Variants in TECPR2 observed in about 807,000 individuals in gnomAD.
TECPR2 encodes the protein tectonin beta-propeller repeat containing 2.
TECPR2 carries 65 observed loss-of-function variants against 138.1 expected under a neutral mutation model. The observed-to-expected ratio is 0.47, with a 90% CI of 0.39 to 0.58. The LOEUF (loss-of-function observed/expected upper bound fraction) is 0.58, where lower values mean the gene tolerates loss of function less well. Among genes scored for constraint, TECPR2 ranks in the 20% least tolerant of loss-of-function variants. The pLI is 0.00. For synonymous variants in TECPR2, 746 were observed against 749.8 expected (o/e 0.99, Z 0.08); for missense variants, 1,553 against 1,824.5 (o/e 0.85, Z 2.71).
intron 3 of TECPR2, 125 bp downstream of exon 3, chr14:102,407,591 C>A: frequency 7.7e-7 from 1 of 1,296,682 alleles, no homozygotes; most frequent in Middle Eastern, 2.5e-4. Flanking sequence ...ACTTTCTCTG[C>A]CCAGGCTCAT....
In TECPR2 at chr14:102,431,820, G is replaced by A; in HGVS notation, c.1109G>A (p.Gly370Glu). ...GTGAGAGATGGTCTGGAGATGTCTGGATGCTCAGAGCGTGTCCACGTGCAG... is the reference window on the plus strand; with the variant it reads ...GTGAGAGATGGTCTGGAGATGTCTGAATGCTCAGAGCGTGTCCACGTGCAG... ...STVRDGLEMSGCSERVHVQQA... is the reference protein window; with the variant it reads ...STVRDGLEMSECSERVHVQQA... The change falls in exon 8 of 20, where the codon GGA (glycine) becomes GAA (glutamate). Residue 370 changes from glycine (G) to glutamate (E), a missense_variant. Coordinates refer to ENST00000359520, the MANE Select transcript of TECPR2 (RefSeq NM_014844.5). 1 of 1,580,788 alleles carries A rather than the reference G, an allele frequency of 6.3e-7. No homozygotes were observed. The highest frequency in any genetic ancestry group is 8.6e-7 in the Non-Finnish European group (1 of 1,157,414).
chr14:102,438,773 G>C (rs11624563), intron 10 of TECPR2, among the ~76,000 whole-genome samples: 33,139 of 152,120 alleles, frequency 0.22, 4,287 homozygotes, highest in Middle Eastern at 0.31. Flanking sequence ...TAGTGAACTG[G>C]AGCTGGTGTT....
At chr14:102,483,433 G>GGTTTT (rs939129086) in intron 17 of TECPR2, among the ~76,000 whole-genome samples, 13 of 135,448 alleles carry the variant, frequency 9.6e-5, no homozygotes, top group South Asian at 7.6e-4. Flanking sequence ...GTTGTTGTGG[G>GGTTTT]GTTTTGTTTT....
chr14:102,452,367 G>A (rs376957826), intron 15 of TECPR2, 27 bp from the exon 16 acceptor site: 13 of 1,592,400 alleles, frequency 8.2e-6, no homozygotes, highest in African/African-American at 5.4e-5. Context: ...ACAACACCTC[G>A]ATGACAAACA....
intron 16 of TECPR2, among the ~76,000 whole-genome samples, chr14:102,462,440 G>A (rs1890430906): frequency 6.6e-6 from 1 of 152,196 alleles, no homozygotes; most frequent in East Asian, 1.9e-4. Flanking sequence ...GTCATCTTTA[G>A]AAAATGCAAA....
At chr14:102,417,421 G>T (rs549853573) in intron 5 of TECPR2, among the ~76,000 whole-genome samples, 4 of 152,336 alleles carry the variant, frequency 2.6e-5, no homozygotes, top group African/African-American at 9.6e-5. Flanking sequence ...CACAATGAGA[G>T]AGACTGTCGG....
chr14:102,446,754 A>G (rs577882665), intron 13 of TECPR2, among the ~76,000 whole-genome samples: 4 of 152,212 alleles, frequency 2.6e-5, no homozygotes, highest in Non-Finnish European at 5.9e-5. Flanking sequence ...TTAGAAACAT[A>G]AAGGACTTTT....
At position 102,420,084 on chromosome 14, in the gene TECPR2, G is replaced by T. The variant is rs1050053614; in HGVS notation, c.639-4895G>T. On this transcript the variant is annotated intron_variant, in intron 5 of 19. Coordinates refer to ENST00000359520, the MANE Select transcript of TECPR2 (RefSeq NM_014844.5). The surrounding 1 kb of genome is among the most constrained non-coding windows in gnomAD (Gnocchi z 4.1). Reference sequence around the variant, plus strand: ...ATTTTGGGTGCTGTCAGCTTTCAGCGTATCAGCTCTGTGGCACCATACATT... The same window carrying T: ...ATTTTGGGTGCTGTCAGCTTTCAGCTTATCAGCTCTGTGGCACCATACATT... 1.3e-5 allele frequency among the ~76,000 whole-genome samples: 2 copies of T among 152,142 alleles called. No individual in the cohort carries two copies. Among genetic ancestry groups the T allele is most frequent in the Admixed American group, 6.5e-5 (1 of 15,274 alleles).
intron 2 of TECPR2, among the ~76,000 whole-genome samples, chr14:102,387,846 A>G (rs1216150316): frequency 6.6e-6 from 1 of 152,138 alleles, no homozygotes; most frequent in African/African-American, 2.4e-5. Flanking sequence ...AGTTTTAAAT[A>G]GCATTCCAGG....
In TECPR2 at chr14:102,415,640, G is replaced by T. The variant is rs1319362660; in HGVS notation, c.638+847G>T. ...AAGGAGGAGGTAGACTGGGGCCAAC[G>T]TGGGGGTGGGAAGCAGAGGGCGGCA... is the stretch of plus-strand genomic sequence containing the variant. On this transcript the variant is annotated intron_variant, in intron 5 of 19. Transcript: ENST00000359520. This position sits in a 1 kb window ranked among gnomAD's most constrained non-coding sequence, Gnocchi z 4.3. 6.6e-6 allele frequency among the ~76,000 whole-genome samples: 1 copy of T among 152,140 alleles called. No homozygotes were observed. Among genetic ancestry groups the T allele is most frequent in the African/African-American group, 2.4e-5 (1 of 41,408 alleles).
intron 2 of TECPR2, among the ~76,000 whole-genome samples, chr14:102,394,651 T>C (rs1888267850): frequency 6.6e-6 from 1 of 152,166 alleles, no homozygotes. Context: ...CTCAGTCCCA[T>C]ATTTGTAAAA....
chr14:102,419,384 G>A lies in TECPR2; in HGVS notation c.638+4591G>A, dbSNP rs569300763. Among the ~76,000 whole-genome samples, 103 of 152,276 alleles carry A rather than the reference G, an allele frequency of 6.8e-4. No homozygotes were observed. Among genetic ancestry groups the A allele is most frequent in the Non-Finnish European group, 1.2e-3 (85 of 68,020 alleles). Reference sequence around the variant, plus strand: ...AGAGAACAAAGAAAGACAAATAGGTGGTGCCCAGGGGGGAACCATGTGGCC... The same window carrying A: ...AGAGAACAAAGAAAGACAAATAGGTAGTGCCCAGGGGGGAACCATGTGGCC... On this transcript the variant is annotated intron_variant, in intron 5 of 19. Coordinates refer to ENST00000359520, the MANE Select transcript of TECPR2 (RefSeq NM_014844.5). The surrounding 1 kb of genome is among the most constrained non-coding windows in gnomAD (Gnocchi z 4.8).
chr14:102,449,426 A>G (rs1351004289), intron 13 of TECPR2, among the ~76,000 whole-genome samples: 1 of 152,238 alleles, frequency 6.6e-6, no homozygotes, highest in Non-Finnish European at 1.5e-5. Flanking sequence ...AAGGAGCTGG[A>G]GTTAGCATTA....
At chr14:102,396,407 T>C (rs1282595614) in intron 2 of TECPR2, among the ~76,000 whole-genome samples, 2 of 152,178 alleles carry the variant, frequency 1.3e-5, no homozygotes, top group Non-Finnish European at 2.9e-5. Flanking sequence ...CCGGCCCATC[T>C]TTTAATAAGA....
At chr14:102,440,751 A>C in intron 11 of TECPR2, 142 bp downstream of exon 11, 1 of 1,148,268 alleles carries the variant, frequency 8.7e-7, no homozygotes, top group Non-Finnish European at 1.2e-6. Context: ...CTGGGAAGAG[A>C]GTATTTGCCA....
At chr14:102,465,481 T>TG in intron 17 of TECPR2, 192 bp downstream of exon 17, 1 of 1,379,378 alleles carries the variant, frequency 7.2e-7, no homozygotes, top group East Asian at 2.6e-5. Flanking sequence ...AGTTTAGAGC[T>TG]GAACAGACTG....
In TECPR2 at chr14:102,502,087, T is replaced by C. The variant is rs1891451496; in HGVS notation, c.*3830T>C. On this transcript the variant is annotated 3_prime_UTR_variant, in exon 20 of 20. Coordinates refer to ENST00000359520, the MANE Select transcript of TECPR2 (RefSeq NM_014844.5). ...GAACAGCCATGTTAACGTGAGCAAA[T>C]TCCTCTCATGAAATAGCCTGCAGCT... 1 of 152,240 alleles carries C rather than the reference T, an allele frequency of 6.6e-6. No homozygotes were observed. The highest frequency in any genetic ancestry group is 6.5e-5 in the Admixed American group (1 of 15,282). The allele number at this position is 152,240 out of a possible 1,614,324, so 9.4% of individuals were successfully genotyped here. A position where few individuals can be genotyped will look rare whatever the true frequency, so the allele number is the denominator to read the frequency against.
chr14:102,411,248 C>T (rs1402867966), intron 4 of TECPR2, among the ~76,000 whole-genome samples: 1 of 152,248 alleles, frequency 6.6e-6, no homozygotes, highest in East Asian at 1.9e-4. Context: ...ATTTCAACAC[C>T]ATTTTGTTTT....
chr14:102,374,721 G>C (rs906997326), intron 1 of TECPR2, among the ~76,000 whole-genome samples: 1 of 152,162 alleles, frequency 6.6e-6, no homozygotes, highest in South Asian at 2.1e-4. Flanking sequence ...GTTGAGGCGG[G>C]AGTCTTGCTA....
Sources: allele counts gnomAD v4.1 joint callset (sites outside exome capture counted in the v4.1 genomes callset), GRCh38; gene constraint gnomAD v4.1.1; non-coding constraint Gnocchi (gnomAD v3.1); transcripts MANE v1.5; gene names NCBI Gene and HGNC (gene_info 2026-07-23, HGNC 2026-07-21).